The following TMEM178B variants were observed in gnomAD, a reference collection of about 807,000 sequenced individuals.
TMEM178B encodes the protein transmembrane protein 178B.
Under a neutral mutation model 31.0 loss-of-function variants are expected in TMEM178B, and 5 were observed. The ratio of observed to expected loss-of-function variants is 0.16; its 90% CI spans 0.08 to 0.34. TMEM178B has a LOEUF of 0.34. Ranked by LOEUF, TMEM178B falls within the 10% of genes least tolerant of loss-of-function variation. The probability of loss-of-function intolerance (pLI) is 1.00; values close to 1 mark genes in which losing one functional copy is unlikely to be tolerated. For missense variants in TMEM178B, 275 were observed against 400.3 expected, an observed-to-expected ratio of 0.69 and a Z score of 2.67; for synonymous variants, 164 against 164.0, an observed-to-expected ratio of 1.00 and a Z score of 0.00.
chr7:141,252,606 T>C (rs975980822), intron 2 of TMEM178B, among the ~76,000 whole-genome samples: 1 of 152,232 alleles, frequency 6.6e-6, no homozygotes, highest in African/African-American at 2.4e-5. Flanking sequence ...TTACATAGTT[T>C]GAAGGGCTCT....
intron 1 of TMEM178B, among the ~76,000 whole-genome samples, chr7:141,128,967 A>T (rs1352421508): frequency 6.6e-6 from 1 of 152,230 alleles, no homozygotes; most frequent in African/African-American, 2.4e-5. Context: ...ATGGATTACC[A>T]TGCATGATGT....
At position 141,229,122 on chromosome 7, in the gene TMEM178B, T is replaced by C. The variant is rs571731784; in HGVS notation, c.496+16418T>C. 2.0e-5 allele frequency among the ~76,000 whole-genome samples: 3 copies of C among 149,296 alleles called. No homozygotes were observed. The South Asian group carries it at 6.4e-4, about 32-fold the overall frequency. On this transcript the variant is annotated intron_variant, in intron 2 of 3. Transcript: ENST00000565468. ...TGTGGTGTGTGTGTGTGTGTGTGTGTGTGTGTGTGAAACTTTTTTTTCATG... is the reference window on the plus strand; with the variant it reads ...TGTGGTGTGTGTGTGTGTGTGTGTGCGTGTGTGTGAAACTTTTTTTTCATG...
chr7:141,287,292 A>C (rs1404329551), intron 2 of TMEM178B, among the ~76,000 whole-genome samples: 1 of 151,872 alleles, frequency 6.6e-6, no homozygotes, highest in African/African-American at 2.4e-5. Flanking sequence ...AGTGGATAGG[A>C]CTCTATACTG....
intron 2 of TMEM178B, among the ~76,000 whole-genome samples, chr7:141,248,122 G>C (rs2116331568): frequency 6.6e-6 from 1 of 152,146 alleles, no homozygotes; most frequent in East Asian, 1.9e-4. Context: ...TAAAGATGGG[G>C]ATACGTGGCC....
chr7:141,287,750 A>G (rs1798469790), intron 2 of TMEM178B, among the ~76,000 whole-genome samples: 1 of 152,188 alleles, frequency 6.6e-6, no homozygotes, highest in Non-Finnish European at 1.5e-5. Context: ...GCAGTGCTTT[A>G]TCGGGGCCTG....
Position 141,149,526 on chromosome 7 carries a change from T to TAAC in TMEM178B, c.383-63054_383-63052dup, listed in dbSNP as rs201306916. Among the ~76,000 whole-genome samples, 8 of 152,054 alleles carry TAAC rather than the reference T, an allele frequency of 5.3e-5. No individual in the cohort carries two copies. In the South Asian group the frequency reaches 8.3e-4, roughly 16 times the overall value. ...TCGTGCCACTGCACTCCAGCCTGGG[T>TAAC]AACAACAACAACAGCAACAACAACA... On this transcript the variant is annotated intron_variant, in intron 1 of 3. Transcript: ENST00000565468.
chr7:141,075,943 T>C (rs1448371873), intron 1 of TMEM178B, among the ~76,000 whole-genome samples: 1 of 152,224 alleles, frequency 6.6e-6, no homozygotes, highest in Non-Finnish European at 1.5e-5. Flanking sequence ...TGTTTAAGAA[T>C]GACAAGCAGT....
rs190625169 is a variant in TMEM178B, at chr7:141,215,785, T to C, written c.496+3081T>C. 3.2e-3 allele frequency among the ~76,000 whole-genome samples: 171 copies of C among 52,748 alleles called. 3 individuals are homozygous for C. In the East Asian group the frequency reaches 0.092, roughly 28 times the overall value. The allele number at this position is 52,748 out of a possible 152,430, so 34.6% of individuals were successfully genotyped here. On this transcript the variant is annotated intron_variant, in intron 2 of 3. Coordinates refer to ENST00000565468, the MANE Select transcript of TMEM178B (RefSeq NM_001195278.2). ...TTTGAATTATATACTTTCCTTTCTT[T>C]CTTTCTTTCTTTCTTTCTTTCTTTC...
intron 2 of TMEM178B, among the ~76,000 whole-genome samples, chr7:141,379,296 T>G (rs1163620742): frequency 1.4e-5 from 2 of 142,630 alleles, no homozygotes; most frequent in Non-Finnish European, 3.1e-5. Context: ...GTGAGACCCC[T>G]GTTTTTCTAA....
intron 2 of TMEM178B, among the ~76,000 whole-genome samples, chr7:141,222,214 A>G (rs1274173061): frequency 6.6e-6 from 1 of 152,220 alleles, no homozygotes; most frequent in Non-Finnish European, 1.5e-5. Flanking sequence ...GTTGAATACA[A>G]CAGCATGGAA....
chr7:141,108,449 A>G lies in TMEM178B; in HGVS notation c.382+33757A>G, dbSNP rs183788716. Among the ~76,000 whole-genome samples the G allele has an allele frequency of 2.6e-5, 4 of 152,246 alleles. No homozygotes were observed. In the East Asian group the frequency reaches 7.7e-4, roughly 29 times the overall value. The stretch of plus-strand genomic sequence containing the variant: ...TCTATAGTAGCAGGAAAGAAAGCAG[A>G]GTGTGTCATGGTTAGACTCGTGCTG... On this transcript the variant is annotated intron_variant, in intron 1 of 3. Transcript: ENST00000565468.
chr7:141,220,628 T>C (rs1797242986), intron 2 of TMEM178B, among the ~76,000 whole-genome samples: 5 of 152,122 alleles, frequency 3.3e-5, no homozygotes, highest in Admixed American at 3.3e-4. Context: ...ACTGTGCTGG[T>C]ATAATTACAG....
chr7:141,321,218 C>G (rs1411962934), intron 2 of TMEM178B, among the ~76,000 whole-genome samples: 1 of 152,206 alleles, frequency 6.6e-6, no homozygotes, highest in Non-Finnish European at 1.5e-5. Flanking sequence ...ACCAAGGAAG[C>G]TTAACTGATC....
chr7:141,223,744 C>A (rs1049722326), intron 2 of TMEM178B, among the ~76,000 whole-genome samples: 3 of 152,094 alleles, frequency 2.0e-5, no homozygotes, highest in African/African-American at 7.2e-5. Flanking sequence ...ACAGTTCAAA[C>A]CTTCCTAGGT....
Position 141,422,456 on chromosome 7 carries a change from C to T in TMEM178B, c.497-15152C>T, listed in dbSNP as rs1358660643. The stretch of plus-strand genomic sequence containing the variant: ...CTCTTCTTGTTGGTGTGATCGTACG[C>T]TAATGGGCAAAGCTGTAGGATGGAG... On this transcript the variant is annotated intron_variant, in intron 2 of 3. Transcript: ENST00000565468. The surrounding 1 kb of genome is among the most constrained non-coding windows in gnomAD (Gnocchi z 4.2). Among the ~76,000 whole-genome samples, 1 of 152,200 alleles carries T rather than the reference C, an allele frequency of 6.6e-6. No homozygotes were observed. Among genetic ancestry groups the T allele is most frequent in the Non-Finnish European group, 1.5e-5 (1 of 68,034 alleles).
At chr7:141,181,486 A>G (rs970478616) in intron 1 of TMEM178B, among the ~76,000 whole-genome samples, 1 of 152,222 alleles carries the variant, frequency 6.6e-6, no homozygotes, top group African/African-American at 2.4e-5. Context: ...TGACTGTCTC[A>G]TAAAGGGCTC....
intron 1 of TMEM178B, among the ~76,000 whole-genome samples, chr7:141,130,967 C>T (rs905394119): frequency 1.3e-5 from 2 of 152,214 alleles, no homozygotes; most frequent in Non-Finnish European, 2.9e-5. Flanking sequence ...AGCTGACCCT[C>T]TCCCACTGCT....
intron 1 of TMEM178B, among the ~76,000 whole-genome samples, chr7:141,100,023 G>A (rs1795028151): frequency 6.6e-6 from 1 of 152,080 alleles, no homozygotes; most frequent in Non-Finnish European, 1.5e-5. Context: ...GTTTCACCAT[G>A]TTAGCCAGGA....
chr7:141,402,688 G>T (rs1800807154), intron 2 of TMEM178B, among the ~76,000 whole-genome samples: 1 of 152,240 alleles, frequency 6.6e-6, no homozygotes, highest in Admixed American at 6.5e-5. Flanking sequence ...GACTAGAAGA[G>T]ATAGATGTTG....
Sources: gnomAD v4.1 joint callset for allele counts (sites outside exome capture counted in the v4.1 genomes callset) on GRCh38, gnomAD v4.1.1 for gene constraint, Gnocchi (gnomAD v3.1) non-coding constraint, MANE v1.5 for transcripts, NCBI Gene and HGNC (gene_info 2026-07-23, HGNC 2026-07-21) for gene names.